Variants in NUP98 observed in about 807,000 individuals in gnomAD.
NUP98 encodes the protein nucleoporin 98 and 96 precursor, also known as nuclear pore complex protein Nup98-Nup96.
In NUP98, 26 loss-of-function variants were observed where a neutral mutation model predicts 191.9. The ratio of observed to expected loss-of-function variants is 0.14; its 90% CI spans 0.10 to 0.19. The LOEUF is 0.19. NUP98 is among the 10% of genes least tolerant of loss of function. The probability of loss-of-function intolerance (pLI) is 1.00; values close to 1 mark genes in which losing one functional copy is unlikely to be tolerated. For missense variants in NUP98, 1,941 were observed against 2,178.8 expected (o/e 0.89, Z 2.17); for synonymous variants, 808 against 778.4 (o/e 1.04, Z -0.63).
rs778775740 is a variant in NUP98, at chr11:3,755,521, T to C, written c.1175-2113A>G. On this transcript the variant is annotated intron_variant, in intron 10 of 32. Transcript: ENST00000324932. ...TAGCCCAAAAAGATAACAAACAGAATAAAGAGACTATTTTAGAACAGATGA... is the reference window on the plus strand; with the variant it reads ...TAGCCCAAAAAGATAACAAACAGAACAAAGAGACTATTTTAGAACAGATGA... 4.0e-5 allele frequency among the ~76,000 whole-genome samples: 6 copies of C among 151,800 alleles called. No individual in the cohort carries two copies. In the South Asian group the frequency reaches 1.3e-3, roughly 32 times the overall value.
chr11:3,746,294 A>AAAAAAAAAAAAAAAAAAAAAAAAAAAG (rs144936005), intron 11 of NUP98, among the ~76,000 whole-genome samples: 1 of 93,086 alleles, frequency 1.1e-5, no homozygotes, highest in African/African-American at 5.0e-5. Flanking sequence ...AAAAAAAAAA[A>AAAAAAAAAAAAAAAAAAAAAAAAAAAG]GACAGCTTTG....
intron 18 of NUP98, among the ~76,000 whole-genome samples, chr11:3,718,615 C>T (rs182811885): frequency 2.6e-5 from 4 of 152,032 alleles, no homozygotes; most frequent in Admixed American, 2.6e-4. Flanking sequence ...AGGAAAGGAT[C>T]GATTGATCTG....
At chr11:3,754,210 T>C (rs1236499717) in intron 10 of NUP98, among the ~76,000 whole-genome samples, 4 of 151,260 alleles carry the variant, frequency 2.6e-5, no homozygotes, top group Non-Finnish European at 4.4e-5. Context: ...GGGCGGATCA[T>C]GAGGTCAAGA....
At chr11:3,689,624 C>T (rs2078243213) in intron 28 of NUP98, among the ~76,000 whole-genome samples, 1 of 152,032 alleles carries the variant, frequency 6.6e-6, no homozygotes. Context: ...TGTTGGACAC[C>T]TAAACCACTC....
At chr11:3,720,984 GTGT>G in intron 16 of NUP98, 159 bp from the exon 17 acceptor site, 1 of 476,284 alleles carries the variant, frequency 2.1e-6, no homozygotes, top group Non-Finnish European at 3.7e-6. Context: ...GAGTGTGTGT[GTGT>G]GTGTGTGTGT....
chr11:3,748,743 C>T (rs917778424), intron 11 of NUP98, among the ~76,000 whole-genome samples: 25 of 152,064 alleles, frequency 1.6e-4, no homozygotes, highest in Non-Finnish European at 5.9e-5. Context: ...TTAATTTGCC[C>T]GTACCAAAGC....
intron 18 of NUP98, among the ~76,000 whole-genome samples, chr11:3,717,826 A>G (rs893606353): frequency 2.6e-5 from 4 of 152,034 alleles, no homozygotes; most frequent in African/African-American, 4.8e-5. Context: ...CTTTTTCTGT[A>G]TTATGATGAT....
At chr11:3,698,174 A>G (rs2078570192) in intron 25 of NUP98, among the ~76,000 whole-genome samples, 4 of 152,240 alleles carry the variant, frequency 2.6e-5, no homozygotes, top group African/African-American at 9.6e-5. Context: ...TGAAAAGAAC[A>G]GAATATAATA....
intron 10 of NUP98, among the ~76,000 whole-genome samples, chr11:3,754,030 C>T (rs1162332690): frequency 1.3e-5 from 2 of 152,080 alleles, no homozygotes; most frequent in Non-Finnish European, 1.5e-5. Context: ...AAAGTGAACA[C>T]ACTTGAGCTT....
At chr11:3,781,966 A>C in intron 2 of NUP98, 76 bp downstream of exon 2, 1 of 926,806 alleles carries the variant, frequency 1.1e-6, no homozygotes, top group Non-Finnish European at 1.7e-6. Context: ...TTCCCACCTA[A>C]AGCTTATCAG....
At chr11:3,741,640 A>T (rs2080290141) in intron 12 of NUP98, among the ~76,000 whole-genome samples, 1 of 152,134 alleles carries the variant, frequency 6.6e-6, no homozygotes, top group Admixed American at 6.6e-5. Context: ...GGAAATCCAA[A>T]AAGACTGAGA....
intron 20 of NUP98, among the ~76,000 whole-genome samples, chr11:3,710,700 T>C (rs992002124): frequency 6.6e-6 from 1 of 152,208 alleles, no homozygotes; most frequent in Non-Finnish European, 1.5e-5. Flanking sequence ...GTAGGGTCTT[T>C]GGTGCTAATA....
intron 10 of NUP98, 143 bp from the exon 11 acceptor site, chr11:3,753,551 TA>T (rs368121441): frequency 3.1e-3 from 1,776 of 565,380 alleles, no homozygotes; most frequent in Non-Finnish European, 4.1e-3. Context: ...TAGGATAACT[TA>T]AAAAAAAAAT....
At chr11:3,695,981 C>T (rs1317620332) in intron 25 of NUP98, among the ~76,000 whole-genome samples, 1 of 152,112 alleles carries the variant, frequency 6.6e-6, no homozygotes, top group Non-Finnish European at 1.5e-5. Flanking sequence ...TACTTGAAGT[C>T]ACGAGTTCGA....
At chr11:3,743,182 C>G (rs1435358426) in intron 12 of NUP98, among the ~76,000 whole-genome samples, 1 of 151,492 alleles carries the variant, frequency 6.6e-6, no homozygotes, top group African/African-American at 2.4e-5. Flanking sequence ...TCATGCCCAG[C>G]TAATTTTTGC....
chr11:3,740,931 G>A (rs1012319342), intron 12 of NUP98, among the ~76,000 whole-genome samples: 2 of 151,720 alleles, frequency 1.3e-5, no homozygotes, highest in Non-Finnish European at 2.9e-5. Flanking sequence ...CGATTCTCCC[G>A]CCTCAGCCTC....
Position 3,695,438 on chromosome 11 carries a change from G to C in NUP98, c.4167+11C>G, listed in dbSNP as rs1412513537. ...ACCAATGTGAGATATTATGGTAAAA[G>C]TAGAAGATACCGGTTTTCCAGCCAA... On this transcript the variant is annotated intron_variant, in intron 26 of 32. Coordinates refer to ENST00000324932, the MANE Select transcript of NUP98 (RefSeq NM_016320.5). 2.0e-6 allele frequency: 3 copies of C among 1,530,388 alleles called. No individual in the cohort carries two copies. The highest frequency in any genetic ancestry group is 4.2e-5 in the Admixed American group (2 of 47,296). 94.8% of individuals were successfully genotyped at this position (1,530,388 alleles called of 1,614,324 possible).
intron 28 of NUP98, among the ~76,000 whole-genome samples, chr11:3,687,808 TC>T (rs1194172056): frequency 6.6e-6 from 1 of 152,118 alleles, no homozygotes; most frequent in Non-Finnish European, 1.5e-5. Context: ...ACGCCTGTAA[TC>T]CCAGCACTTT....
intron 8 of NUP98, among the ~76,000 whole-genome samples, chr11:3,765,195 C>T (rs1564902073): frequency 6.6e-6 from 1 of 152,052 alleles, no homozygotes; most frequent in African/African-American, 2.4e-5. Flanking sequence ...TTTCTGCCAT[C>T]TTTGTTTGTT....
Sources: allele counts gnomAD v4.1 joint callset (sites outside exome capture counted in the v4.1 genomes callset), GRCh38; gene constraint gnomAD v4.1.1; transcripts MANE v1.5; gene names NCBI Gene and HGNC (gene_info 2026-07-23, HGNC 2026-07-21).